Variants in SMCO4 observed in about 807,000 individuals in gnomAD.
SMCO4 encodes single-pass membrane and coiled-coil domain-containing protein 4.
Under a neutral mutation model 3.6 loss-of-function variants are expected in SMCO4, and 4 were observed. The ratio of observed to expected loss-of-function variants is 1.11; its 90% confidence interval spans 0.54 to 2.53. The LOEUF is 2.53. SMCO4 is among the 30% of genes most tolerant of loss of function. The pLI, the probability that SMCO4 is intolerant of heterozygous loss-of-function variation, is 0.02. For synonymous variants in SMCO4, 36 were observed against 35.3 expected, an observed-to-expected ratio of 1.02 and a Z score of -0.07; for missense variants, 70 against 80.8, an observed-to-expected ratio of 0.87 and a Z score of 0.51.
At chr11:93,528,765 G>A (rs146372744) in intron 1 of SMCO4, among the ~76,000 whole-genome samples, 9 of 152,218 alleles carry the variant, frequency 5.9e-5, no homozygotes, top group East Asian at 1.9e-4. Flanking sequence ...GTAACTTATC[G>A]AAGGCAGCAG....
intron 1 of SMCO4, among the ~76,000 whole-genome samples, chr11:93,500,507 T>C (rs377536368): frequency 1.3e-5 from 2 of 152,184 alleles, no homozygotes; most frequent in African/African-American, 4.8e-5. Flanking sequence ...TAATGTCTTA[T>C]AGCCTCTTCT....
intron 2 of SMCO4, among the ~76,000 whole-genome samples, chr11:93,490,711 A>G (rs1948704744): frequency 6.6e-6 from 1 of 152,216 alleles, no homozygotes; most frequent in Non-Finnish European, 1.5e-5. Flanking sequence ...TGTATATTAA[A>G]AGGGCATAAA....
intron 1 of SMCO4, among the ~76,000 whole-genome samples, chr11:93,517,554 T>A (rs1431518170): frequency 2.0e-5 from 3 of 152,186 alleles, no homozygotes; most frequent in Non-Finnish European, 4.4e-5. Context: ...AACTCCAATT[T>A]CTCTAGTTCC....
upstream of SMCO4, among the ~76,000 whole-genome samples, chr11:93,546,328 T>C (rs1272822179): frequency 6.6e-6 from 1 of 152,228 alleles, no homozygotes; most frequent in Non-Finnish European, 1.5e-5. Context: ...TTTAAAATCC[T>C]TTGGCAGTCA....
At chr11:93,484,120 C>A (rs1247593839) in intron 2 of SMCO4, among the ~76,000 whole-genome samples, 1 of 152,128 alleles carries the variant, frequency 6.6e-6, no homozygotes, top group Non-Finnish European at 1.5e-5. Flanking sequence ...ATGCTCCTAC[C>A]CCCCACCAGC....
chr11:93,486,237 A>G (rs536437864), intron 2 of SMCO4, among the ~76,000 whole-genome samples: 1 of 152,326 alleles, frequency 6.6e-6, no homozygotes, highest in South Asian at 2.1e-4. Flanking sequence ...GTGGTTAGAA[A>G]GTCAATAGTG....
chr11:93,535,096 G>A (rs931005823), intron 1 of SMCO4, among the ~76,000 whole-genome samples: 1 of 152,160 alleles, frequency 6.6e-6, no homozygotes, highest in Non-Finnish European at 1.5e-5. Context: ...CCACGCCTCA[G>A]CAGCACAGGA....
chr11:93,547,212 T>C (rs1242775983), upstream of SMCO4, among the ~76,000 whole-genome samples: 2 of 152,188 alleles, frequency 1.3e-5, no homozygotes, highest in African/African-American at 4.8e-5. Flanking sequence ...TTTCTGTTTT[T>C]GCATCACTCC....
chr11:93,478,878 C>A lies in SMCO4; in HGVS notation c.*132G>T. ...GAGATACTTTAATCAAGTCAAAGAC[C>A]AGAGAAGACAGGGTGCTCCTGCTTA... is the stretch of plus-strand genomic sequence containing the variant. On this transcript the variant is annotated 3_prime_UTR_variant, in exon 3 of 3. Coordinates refer to ENST00000298966, the MANE Select transcript of SMCO4 (RefSeq NM_020179.3). 1.4e-6 allele frequency: 2 copies of A among 1,432,872 alleles called. No homozygotes were observed. Among genetic ancestry groups the A allele is most frequent in the South Asian group, 3.0e-5 (2 of 66,758 alleles). 88.8% of individuals were successfully genotyped at this position (1,432,872 alleles called of 1,614,324 possible).
intron 1 of SMCO4, among the ~76,000 whole-genome samples, chr11:93,537,159 G>A (rs576188767): frequency 8.5e-5 from 13 of 152,208 alleles, no homozygotes; most frequent in African/African-American, 2.9e-4. Context: ...ACGGCAGAGG[G>A]AGGCCTCCAC....
At chr11:93,546,015 A>C (rs1949313184), upstream of SMCO4, among the ~76,000 whole-genome samples, 1 of 152,242 alleles carries the variant, frequency 6.6e-6, no homozygotes, top group Non-Finnish European at 1.5e-5. Flanking sequence ...AGGGAAAGCC[A>C]GCCAAAAATA....
At chr11:93,544,027 G>A (rs1302424575), upstream of SMCO4, among the ~76,000 whole-genome samples, 2 of 152,168 alleles carry the variant, frequency 1.3e-5, no homozygotes, top group Non-Finnish European at 2.9e-5. Flanking sequence ...GAGGCCCACG[G>A]CTAAATGTTA....
At chr11:93,479,514 G>A (rs770664954) in intron 2 of SMCO4, among the ~76,000 whole-genome samples, 1 of 152,200 alleles carries the variant, frequency 6.6e-6, no homozygotes, top group Non-Finnish European at 1.5e-5. Context: ...CTGGGTACCA[G>A]ACAAATAATA....
intron 1 of SMCO4, among the ~76,000 whole-genome samples, chr11:93,504,815 G>A (rs1029602965): frequency 6.6e-6 from 1 of 152,166 alleles, no homozygotes; most frequent in African/African-American, 2.4e-5. Context: ...TGGTGGGGAA[G>A]GGAAGAGTCA....
chr11:93,481,685 T>C (rs1167000849), intron 2 of SMCO4, among the ~76,000 whole-genome samples: 2 of 152,230 alleles, frequency 1.3e-5, no homozygotes, highest in East Asian at 3.8e-4. Flanking sequence ...ATGGACAGCA[T>C]TCCTGTTCAA....
chr11:93,514,529 C>T (rs1948991979), intron 1 of SMCO4, among the ~76,000 whole-genome samples: 1 of 151,314 alleles, frequency 6.6e-6, no homozygotes, highest in Non-Finnish European at 1.5e-5. Flanking sequence ...TCCCCATTTC[C>T]AATCCTCTGC....
chr11:93,494,282 A>G (rs975771500), intron 2 of SMCO4, among the ~76,000 whole-genome samples: 2 of 152,254 alleles, frequency 1.3e-5, no homozygotes, highest in Admixed American at 6.5e-5. Flanking sequence ...TACCTGTTTT[A>G]AAGTCTAGTT....
chr11:93,498,346 G>A (rs571551804), intron 2 of SMCO4, among the ~76,000 whole-genome samples: 4 of 152,196 alleles, frequency 2.6e-5, no homozygotes, highest in Non-Finnish European at 5.9e-5. Flanking sequence ...AGGGAGGTGG[G>A]TTAAGACACA....
intron 1 of SMCO4, among the ~76,000 whole-genome samples, chr11:93,522,750 G>A (rs1949069594): frequency 6.6e-6 from 1 of 152,174 alleles, no homozygotes; most frequent in Non-Finnish European, 1.5e-5. Context: ...GTCTCATGCA[G>A]GGAAGTCTAG....
Sources: allele counts gnomAD v4.1 joint callset (sites outside exome capture counted in the v4.1 genomes callset), GRCh38; gene constraint gnomAD v4.1.1; transcripts MANE v1.5; gene names NCBI Gene and HGNC (gene_info 2026-07-23, HGNC 2026-07-21).